Variants in ADAM18 observed in about 807,000 individuals in gnomAD.
ADAM18 encodes the protein ADAM metallopeptidase domain 18.
In ADAM18, 117 loss-of-function variants were observed where a neutral mutation model predicts 94.4. The observed-to-expected ratio is 1.24, with a 90% CI of 1.07 to 1.45. ADAM18 has a LOEUF of 1.45. Ranked by LOEUF, ADAM18 falls within the 40% of genes most tolerant of loss-of-function variation. The probability of loss-of-function intolerance (pLI) is 0.00; values close to 1 mark genes in which losing one functional copy is unlikely to be tolerated. For missense variants in ADAM18, 936 were observed against 880.0 expected (o/e 1.06, Z -0.81); for synonymous variants, 327 against 291.6 (o/e 1.12, Z -1.24).
At chr8:39,588,144 TTCCCA>T (rs1818460370) in intron 2 of ADAM18, among the ~76,000 whole-genome samples, 1 of 152,160 alleles carries the variant, frequency 6.6e-6, no homozygotes, top group Non-Finnish European at 1.5e-5. Context: ...CCATTCTCCA[TTCCCA>T]CCAATAGTGT....
chr8:39,701,804 G>A lies in ADAM18; in HGVS notation c.1903-4986G>A, dbSNP rs548073681. The stretch of plus-strand genomic sequence containing the variant: ...GGCCTCCAGCTCCATCCATGTCCCA[G>A]CAAAGGACATGATCTCATACTTTTT... On this transcript the variant is annotated intron_variant, in intron 17 of 19. Coordinates refer to ENST00000265707, the MANE Select transcript of ADAM18 (RefSeq NM_014237.3). Among the ~76,000 whole-genome samples the A allele has an allele frequency of 6.6e-5, 10 of 152,216 alleles. No homozygotes were observed. In the South Asian group the frequency reaches 1.5e-3, roughly 22 times the overall value.
At chr8:39,612,201 C>T (rs142946058) in intron 6 of ADAM18, among the ~76,000 whole-genome samples, 10 of 150,596 alleles carry the variant, frequency 6.6e-5, no homozygotes, top group African/African-American at 9.8e-5. Flanking sequence ...TATCTCCCAC[C>T]GGAAAACCAG....
At chr8:39,622,459 C>T (rs575625424) in intron 6 of ADAM18, among the ~76,000 whole-genome samples, 1 of 151,382 alleles carries the variant, frequency 6.6e-6, no homozygotes, top group South Asian at 2.1e-4. Flanking sequence ...ATATATTGCT[C>T]TAAAATATCA....
chr8:39,645,574 G>A (rs1820356329), intron 11 of ADAM18, 100 bp downstream of exon 11: 9 of 1,131,298 alleles, frequency 8.0e-6, no homozygotes, highest in Non-Finnish European at 1.1e-5. Flanking sequence ...CACATCAATG[G>A]CTAGAAAGTT....
At chr8:39,590,819 C>T (rs893218176) in intron 2 of ADAM18, among the ~76,000 whole-genome samples, 1 of 152,096 alleles carries the variant, frequency 6.6e-6, no homozygotes. Flanking sequence ...AACATAAGAG[C>T]AAGTCACAAA....
At chr8:39,712,372 A>C (rs970827006) in intron 18 of ADAM18, among the ~76,000 whole-genome samples, 2 of 151,922 alleles carry the variant, frequency 1.3e-5, no homozygotes, top group Non-Finnish European at 1.5e-5. Flanking sequence ...ATTCCCTTTG[A>C]AAACTGGCAC....
rs568269707 is a variant in ADAM18, at chr8:39,668,112, C to T, written c.1441C>T (p.Arg481Cys). 14 of 1,614,046 alleles carry T rather than the reference C, an allele frequency of 8.7e-6. No homozygotes were observed. In the South Asian group the frequency reaches 1.1e-4, roughly 13 times the overall value. Residue 481 changes from arginine to cysteine, a missense_variant, in exon 14 of 20, where the codon CGT (arginine) becomes TGT (cysteine). Arg to Cys is a radical substitution (Grantham distance 180). Transcript: ENST00000265707. ...TCCTGACACTTATGCATTGAATGGC[C>T]GTTTGTGCAAGTTGGGAACTGCCTA... ...CVPDTYALNG[R>C]LCKLGTAYCY...
chr8:39,635,596 T>A (rs1226047977), intron 7 of ADAM18, among the ~76,000 whole-genome samples: 2 of 152,192 alleles, frequency 1.3e-5, no homozygotes, highest in Admixed American at 6.5e-5. Context: ...TTATAAAATT[T>A]TTGACATTTT....
intron 2 of ADAM18, among the ~76,000 whole-genome samples, chr8:39,602,127 TG>T (rs1397253874): frequency 6.6e-6 from 1 of 152,192 alleles, no homozygotes; most frequent in Non-Finnish European, 1.5e-5. Context: ...CCAAGAACAT[TG>T]GTGTGCAGAT....
At chr8:39,684,785 G>T (rs1424802023) in intron 16 of ADAM18, among the ~76,000 whole-genome samples, 2 of 152,146 alleles carry the variant, frequency 1.3e-5, no homozygotes, top group Non-Finnish European at 2.9e-5. Flanking sequence ...TTAATAAGCA[G>T]AAGTGAAATT....
In ADAM18 at chr8:39,663,782, T is replaced by C. The variant is rs773617589; in HGVS notation, c.1231-13T>C. On this transcript the variant is annotated splice_polypyrimidine_tract_variant and intron_variant, in intron 12 of 19. Transcript: ENST00000265707. ...GTTAAACTGTAATAATATTTCTTCC[T>C]GTAAAATTTTAGGAATGTCAATTTA... is the stretch of plus-strand genomic sequence containing the variant. The C allele has an allele frequency of 6.4e-7, 1 of 1,569,532 alleles. No individual in the cohort carries two copies. The highest frequency in any genetic ancestry group is 8.7e-7 in the Non-Finnish European group (1 of 1,144,046).
intron 2 of ADAM18, among the ~76,000 whole-genome samples, chr8:39,585,844 G>T (rs117810376): frequency 0.011 from 1,641 of 152,184 alleles, 22 homozygotes; most frequent in Middle Eastern, 0.031. Context: ...ATTACAATAA[G>T]TAAATATTAA....
chr8:39,614,453 A>G (rs1563275841), intron 6 of ADAM18, among the ~76,000 whole-genome samples: 1 of 152,200 alleles, frequency 6.6e-6, no homozygotes. Flanking sequence ...ACCCTGCTTT[A>G]CAAGAGGCCC....
chr8:39,723,333 A>G (rs1319887666), intron 18 of ADAM18, among the ~76,000 whole-genome samples: 1 of 151,656 alleles, frequency 6.6e-6, no homozygotes, highest in Non-Finnish European at 1.5e-5. Context: ...TACATAGAAT[A>G]TAAACACTAG....
chr8:39,610,540 AG>A lies in ADAM18; in HGVS notation c.357del (p.Gln119HisfsTer12), dbSNP rs1434722520. 2 of 1,603,170 alleles carry A rather than the reference AG, an allele frequency of 1.2e-6. No homozygotes were observed. The highest frequency in any genetic ancestry group is 1.7e-6 in the Non-Finnish European group (2 of 1,174,058). The stretch of plus-strand genomic sequence containing the variant: ...TTCTAAATTTTCAGGGGATTTCTCC[AG>A]TTTGAAAATATCAGTTATGGAATTG... ...SICSGLRGFL[Q>X]FENISYGIEP... On this transcript the variant is annotated frameshift_variant, in exon 6 of 20. Coordinates refer to ENST00000265707, the MANE Select transcript of ADAM18 (RefSeq NM_014237.3). LOFTEE classifies it high-confidence loss of function.
In ADAM18 at chr8:39,609,092, C is replaced by A. The variant is rs771734296; in HGVS notation, c.239C>A (p.Ser80Tyr). Reference sequence around the variant, plus strand: ...GTTTATACATATAATGAAACTGGATCTTTGCATTCTGTGTCTCCATATTTT... The same window carrying A: ...GTTTATACATATAATGAAACTGGATATTTGCATTCTGTGTCTCCATATTTT... ...FLVYTYNETG[S>Y]LHSVSPYFMM... Residue 80 changes from serine to tyrosine, a missense_variant, in exon 4 of 20, where the codon TCT (serine) becomes TAT (tyrosine). Transcript: ENST00000265707. 127 of 1,591,450 alleles carry A rather than the reference C, an allele frequency of 8.0e-5. No individual in the cohort carries two copies. Among genetic ancestry groups the A allele is most frequent in the Non-Finnish European group, 1.1e-4 (124 of 1,169,412 alleles).
intron 16 of ADAM18, among the ~76,000 whole-genome samples, chr8:39,688,691 C>T (rs1821681301): frequency 6.6e-6 from 1 of 152,136 alleles, no homozygotes; most frequent in African/African-American, 2.4e-5. Context: ...CTGCAATGAA[C>T]ATACATGTGC....
At chr8:39,701,045 G>T (rs1253677537) in intron 17 of ADAM18, among the ~76,000 whole-genome samples, 14 of 141,838 alleles carry the variant, frequency 9.9e-5, no homozygotes, top group African/African-American at 3.6e-4. Flanking sequence ...GTGAACCCGG[G>T]AGGCGGAGCT....
At chr8:39,614,401 C>G (rs1819375740) in intron 6 of ADAM18, among the ~76,000 whole-genome samples, 1 of 152,112 alleles carries the variant, frequency 6.6e-6, no homozygotes, top group African/African-American at 2.4e-5. Flanking sequence ...GAAATAAAAT[C>G]CTTTTCAGAC....
Sources: gnomAD v4.1 joint callset for allele counts (sites outside exome capture counted in the v4.1 genomes callset) on GRCh38, gnomAD v4.1.1 for gene constraint, MANE v1.5 for transcripts, NCBI Gene and HGNC (gene_info 2026-07-23, HGNC 2026-07-21) for gene names.